Variants in GLB1L2 observed in about 807,000 individuals in gnomAD.
GLB1L2 encodes the protein galactosidase beta 1 like 2, also known as beta-galactosidase-1-like protein 2.
In GLB1L2, 68 loss-of-function variants were observed where a neutral mutation model predicts 84.1. That is an observed-to-expected ratio of 0.81 (90% CI 0.67 to 0.99). The LOEUF is 0.99. Among genes scored for constraint, GLB1L2 ranks in the 50% least tolerant of loss-of-function variants. The pLI is 0.00. For missense variants in GLB1L2, 762 were observed against 805.6 expected (o/e 0.95, Z 0.66); for synonymous variants, 290 against 318.0 (o/e 0.91, Z 0.94).
intron 8 of GLB1L2, among the ~76,000 whole-genome samples, chr11:134,366,613 T>C (rs928475259): frequency 6.6e-6 from 1 of 152,238 alleles, no homozygotes; most frequent in African/African-American, 2.4e-5. Context: ...CTTGGCCTCC[T>C]TGGGGCCGTC....
At chr11:134,333,168 T>G (rs546485640) in intron 1 of GLB1L2, among the ~76,000 whole-genome samples, 3 of 152,334 alleles carry the variant, frequency 2.0e-5, no homozygotes, top group Admixed American at 2.0e-4. Flanking sequence ...GTTTACACCT[T>G]GTCAAGACTG....
At position 134,342,706 on chromosome 11, in the gene GLB1L2, C is replaced by G. The variant is rs770063003; in HGVS notation, c.87-48C>G. 9 of 1,569,562 alleles carry G rather than the reference C, an allele frequency of 5.7e-6. No individual in the cohort carries two copies. The Admixed American group carries it at 1.0e-4, about 18-fold the overall frequency. ...TGCGAAGGGGCGAGGAAGCCGATCT[C>G]TCTGCGGCCCGGAGCCTCCAGGCTC... On this transcript the variant is annotated intron_variant, in intron 1 of 18. Transcript: ENST00000535456.
chr11:134,349,269 A>T (rs934465363), intron 5 of GLB1L2, among the ~76,000 whole-genome samples: 2 of 152,212 alleles, frequency 1.3e-5, no homozygotes, highest in African/African-American at 2.4e-5. Context: ...CCTGTGTCAG[A>T]ATTTCCTTCC....
chr11:134,361,108 A>C (rs1339835665), intron 7 of GLB1L2: 2 of 151,770 alleles, frequency 1.3e-5, no homozygotes, highest in Non-Finnish European at 2.9e-5. Context: ...CCGAGATTGC[A>C]CCACTGCACT....
intron 1 of GLB1L2, among the ~76,000 whole-genome samples, chr11:134,335,939 G>T (rs1375492537): frequency 6.6e-6 from 1 of 152,098 alleles, no homozygotes; most frequent in Admixed American, 6.5e-5. Flanking sequence ...GGGTTTTTTG[G>T]TGTCAATGTT....
chr11:134,371,234 C>G, intron 13 of GLB1L2, 86 bp downstream of exon 13: 1 of 1,522,350 alleles, frequency 6.6e-7, no homozygotes, highest in Non-Finnish European at 9.1e-7. Flanking sequence ...AGAATCAGCT[C>G]TTACCAGTGT....
intron 6 of GLB1L2, among the ~76,000 whole-genome samples, chr11:134,357,450 C>T (rs1401350254): frequency 6.6e-6 from 1 of 152,256 alleles, no homozygotes; most frequent in Non-Finnish European, 1.5e-5. Context: ...CATGCCCAGC[C>T]ACGGCCTGGA....
At chr11:134,350,929 G>A (rs1431431586) in intron 5 of GLB1L2, among the ~76,000 whole-genome samples, 1 of 152,098 alleles carries the variant, frequency 6.6e-6, no homozygotes, top group African/African-American at 2.4e-5. Context: ...TTTTTTTTAG[G>A]GGTGTGGGGA....
chr11:134,361,712 C>A (rs576536514), intron 7 of GLB1L2, among the ~76,000 whole-genome samples: 1 of 152,284 alleles, frequency 6.6e-6, no homozygotes, highest in Non-Finnish European at 1.5e-5. Context: ...TCTGATCCGG[C>A]TCGTGTGGAG....
In GLB1L2 at chr11:134,371,351, T is replaced by G. The variant is rs997019486; in HGVS notation, c.1357-70T>G. 7 of 1,192,684 alleles carry G rather than the reference T, an allele frequency of 5.9e-6. No individual in the cohort carries two copies. In the African/African-American group the frequency reaches 1.1e-4, roughly 18 times the overall value. 73.9% of individuals were successfully genotyped at this position (1,192,684 alleles called of 1,614,324 possible). ...CTACAGGCACGCGTGCTGCCCTTCT[T>G]GGCCTGGAGGAGGTCCCGCTTACCC... On this transcript the variant is annotated intron_variant, in intron 13 of 18. Coordinates refer to ENST00000535456, the MANE Select transcript of GLB1L2 (RefSeq NM_001370461.1).
chr11:134,371,435 A>G lies in GLB1L2; in HGVS notation c.1371A>G (p.Thr457=). 2 of 1,591,680 alleles carry G rather than the reference A, an allele frequency of 1.3e-6. No homozygotes were observed. Among genetic ancestry groups the G allele is most frequent in the Non-Finnish European group, 8.6e-7 (1 of 1,159,460 alleles). ...VHDRGQVFVN[T]VSIGFLDYKT... The stretch of plus-strand genomic sequence containing the variant: ...CCCTTTGGCAGGTGTTTGTGAACAC[A>G]GTATCCATAGGATTCTTGGACTACA... Residue 457 remains threonine (T), a synonymous_variant, in exon 14 of 19, where the codon ACA becomes ACG. Transcript: ENST00000535456.
chr11:134,338,246 G>A lies in GLB1L2; in HGVS notation c.87-4508G>A, dbSNP rs546416688. Among the ~76,000 whole-genome samples, 6 of 152,280 alleles carry A rather than the reference G, an allele frequency of 3.9e-5. No homozygotes were observed. The South Asian group carries it at 6.2e-4, about 16-fold the overall frequency. The stretch of plus-strand genomic sequence containing the variant: ...GTGACCCCAGTGAGGCCTCCCAGCC[G>A]TACCATGACCCCGGTTCCTGATGAG... On this transcript the variant is annotated intron_variant, in intron 1 of 18. Transcript: ENST00000535456. The surrounding 1 kb of genome is among the most constrained non-coding windows in gnomAD (Gnocchi z 6.2).
intron 6 of GLB1L2, among the ~76,000 whole-genome samples, chr11:134,358,844 C>T (rs934459056): frequency 6.6e-6 from 1 of 152,268 alleles, no homozygotes; most frequent in African/African-American, 2.4e-5. Context: ...GTTTGCCAGC[C>T]CTGCCCCTGC....
chr11:134,357,618 C>T lies in GLB1L2; in HGVS notation c.651+1225C>T, dbSNP rs138537055. Among the ~76,000 whole-genome samples the T allele has an allele frequency of 7.8e-3, 1,192 of 152,372 alleles. 5 individuals are homozygous for T. Among genetic ancestry groups the T allele is most frequent in the Middle Eastern group, 0.031 (9 of 294 alleles). On this transcript the variant is annotated intron_variant, in intron 6 of 18. Transcript: ENST00000535456. ...TCAGCTGCAGAGAAGGAGAGCCCCA[C>T]GAGAGGAGAGTGCAGCTCCCTCAGG...
At chr11:134,361,725 C>T (rs1204240452) in intron 7 of GLB1L2, among the ~76,000 whole-genome samples, 1 of 152,102 alleles carries the variant, frequency 6.6e-6, no homozygotes, top group Non-Finnish European at 1.5e-5. Flanking sequence ...GTGTGGAGGC[C>T]TCGCTCTCAT....
At chr11:134,351,426 ACCT>A (rs1943632253) in intron 5 of GLB1L2, among the ~76,000 whole-genome samples, 2 of 136,818 alleles carry the variant, frequency 1.5e-5, no homozygotes, top group African/African-American at 5.5e-5. Context: ...GCTCACTGCA[ACCT>A]CCTCCTCCCA....
rs966705144 is a variant in GLB1L2 at position 134,364,111 on chromosome 11, C to A, written c.734-217C>A. Among the ~76,000 whole-genome samples the A allele has an allele frequency of 1.3e-5, 2 of 152,136 alleles. 1 individual carries two copies. Among genetic ancestry groups the A allele is most frequent in the South Asian group, 4.1e-4 (2 of 4,826 alleles). On this transcript the variant is annotated intron_variant, in intron 7 of 18. Transcript: ENST00000535456. ...GGCCAGGCTGGTCTCGAACTCCTGG[C>A]CTCAAGTGATCCACCTGCCTTAGCC...
Position 134,371,490 on chromosome 11 carries a change from C to T in GLB1L2, c.1426C>T (p.Gln476Ter). The T allele has an allele frequency of 6.3e-7, 1 of 1,577,392 alleles. No individual in the cohort carries two copies. ...AACGAAGATTGCTGTCCCCCTGATCCAGGTTCGTTGTTTTTGGGAGCTGGG... is the reference window on the plus strand; with the variant it reads ...AACGAAGATTGCTGTCCCCCTGATCTAGGTTCGTTGTTTTTGGGAGCTGGG... ...KTTKIAVPLI[Q>*]GYTVLRILVE... Residue 476 changes from glutamine to a stop codon, truncating the protein, a stop_gained and splice_region_variant, in exon 14 of 19, where the codon CAG (glutamine) becomes TAG (stop). Coordinates refer to ENST00000535456, the MANE Select transcript of GLB1L2 (RefSeq NM_001370461.1). LOFTEE classifies it high-confidence loss of function.
intron 9 of GLB1L2, among the ~76,000 whole-genome samples, chr11:134,367,773 C>G (rs972789384): frequency 6.6e-6 from 1 of 152,210 alleles, no homozygotes; most frequent in East Asian, 1.9e-4. Context: ...AATGCACATA[C>G]GGACAGCTTT....
Sources: gnomAD v4.1 joint callset for allele counts (sites outside exome capture counted in the v4.1 genomes callset) on GRCh38, gnomAD v4.1.1 for gene constraint, Gnocchi (gnomAD v3.1) non-coding constraint, MANE v1.5 for transcripts, NCBI Gene and HGNC (gene_info 2026-07-23, HGNC 2026-07-21) for gene names.